Variants in IGF1R observed in about 807,000 individuals in gnomAD.
The protein encoded by IGF1R is insulin-like growth factor 1 receptor.
In IGF1R, 44 loss-of-function variants were observed where a neutral mutation model predicts 144.6. The ratio of observed to expected loss-of-function variants is 0.30; its 90% confidence interval spans 0.24 to 0.39. The LOEUF (loss-of-function observed/expected upper bound fraction) is 0.39, where lower values mean the gene tolerates loss of function less well. IGF1R is among the 10% of genes least tolerant of loss of function. The probability of loss-of-function intolerance (pLI) is 1.00; values close to 1 mark genes in which losing one functional copy is unlikely to be tolerated. For missense variants in IGF1R, 1,355 were observed against 1,833.7 expected, an observed-to-expected ratio of 0.74 and a Z score of 4.77; for synonymous variants, 795 against 722.8, an observed-to-expected ratio of 1.10 and a Z score of -1.60.
At chr15:98,799,601 G>A (rs908962708) in intron 2 of IGF1R, among the ~76,000 whole-genome samples, 23 of 152,152 alleles carry the variant, frequency 1.5e-4, no homozygotes, top group African/African-American at 4.3e-4. Context: ...TTGTTTCCTC[G>A]GCTGTCAGTC....
Position 98,844,135 on chromosome 15 carries a change from T to C in IGF1R, c.641-47190T>C, listed in dbSNP as rs191980707. 2.8e-3 allele frequency among the ~76,000 whole-genome samples: 424 copies of C among 152,332 alleles called. 9 individuals carry two copies. Among genetic ancestry groups the C allele is most frequent in the Non-Finnish European group, 3.8e-4 (26 of 68,028 alleles). On this transcript the variant is annotated intron_variant, in intron 2 of 20. Coordinates refer to ENST00000650285, the MANE Select transcript of IGF1R (RefSeq NM_000875.5). ...GCGGCAGTGGAATGTAAAATAGAAT[T>C]ACATGAGATATGACATATGGCTATG... is the stretch of plus-strand genomic sequence containing the variant.
chr15:98,762,536 T>C (rs1252874207), intron 2 of IGF1R, among the ~76,000 whole-genome samples: 1 of 152,214 alleles, frequency 6.6e-6, no homozygotes, highest in Non-Finnish European at 1.5e-5. Context: ...CAGACCAGCC[T>C]GGCCAACATG....
chr15:98,927,542 A>C, intron 13 of IGF1R, among the ~76,000 whole-genome samples: 1 of 152,196 alleles, frequency 6.6e-6, no homozygotes. Flanking sequence ...TGAAACTCAA[A>C]AAGAACACAG....
At chr15:98,859,502 A>T (rs1454067591) in intron 2 of IGF1R, among the ~76,000 whole-genome samples, 2 of 152,184 alleles carry the variant, frequency 1.3e-5, no homozygotes, top group Non-Finnish European at 2.9e-5. Flanking sequence ...TTAAAATGAA[A>T]CTTTCCAGTT....
chr15:98,932,142 T>G (rs1046517652), intron 15 of IGF1R, among the ~76,000 whole-genome samples: 1 of 152,152 alleles, frequency 6.6e-6, no homozygotes, highest in African/African-American at 2.4e-5. Context: ...GAATTCACAT[T>G]TTGTGTCCTT....
intron 17 of IGF1R, among the ~76,000 whole-genome samples, chr15:98,937,931 A>C (rs192439529): frequency 3.5e-4 from 53 of 152,336 alleles, no homozygotes; most frequent in African/African-American, 1.2e-3. Context: ...CCAGTGACTT[A>C]ATGTTGCTTC....
At chr15:98,873,618 A>G (rs1052892306) in intron 2 of IGF1R, 4 of 152,262 alleles carry the variant, frequency 2.6e-5, no homozygotes, top group Admixed American at 6.5e-5. Context: ...GGCTAATTTA[A>G]TATAAAGTGT....
intron 2 of IGF1R, among the ~76,000 whole-genome samples, chr15:98,745,570 C>T (rs80021871): frequency 0.011 from 1,733 of 152,286 alleles, 13 homozygotes; most frequent in Middle Eastern, 0.024. Context: ...AACAGGACAC[C>T]TCTGTGGTTT....
intron 11 of IGF1R, among the ~76,000 whole-genome samples, chr15:98,923,102 C>A (rs904438837): frequency 6.6e-6 from 1 of 152,234 alleles, no homozygotes; most frequent in African/African-American, 2.4e-5. Flanking sequence ...AGTCGTCAGG[C>A]TCCCTGCCTC....
intron 2 of IGF1R, among the ~76,000 whole-genome samples, chr15:98,889,821 T>A (rs75638742): frequency 0.013 from 1,995 of 152,352 alleles, 21 homozygotes; most frequent in Middle Eastern, 0.027. Context: ...AAACAAATTC[T>A]AGAATCTCCA....
intron 2 of IGF1R, among the ~76,000 whole-genome samples, chr15:98,838,813 C>T (rs1432876212): frequency 2.6e-5 from 4 of 152,244 alleles, no homozygotes; most frequent in African/African-American, 9.6e-5. Flanking sequence ...TGCTGAGGCT[C>T]TGTCATCCAG....
chr15:98,858,844 C>T (rs565023607), intron 2 of IGF1R, among the ~76,000 whole-genome samples: 3 of 152,276 alleles, frequency 2.0e-5, no homozygotes, highest in South Asian at 2.1e-4. Flanking sequence ...TTCCAAACTT[C>T]GTGTGACATC....
chr15:98,907,544 G>A (rs2014792909), intron 5 of IGF1R, among the ~76,000 whole-genome samples: 1 of 152,238 alleles, frequency 6.6e-6, no homozygotes, highest in Admixed American at 6.5e-5. Flanking sequence ...AGCAGGAAGA[G>A]GAGAAGAAGG....
At chr15:98,659,939 T>C (rs1213132592) in intron 1 of IGF1R, among the ~76,000 whole-genome samples, 3 of 151,754 alleles carry the variant, frequency 2.0e-5, no homozygotes, top group African/African-American at 7.3e-5. Context: ...ATACATCCAG[T>C]GTTGTGTTAG....
chr15:98,725,781 G>A (rs1596237897), intron 2 of IGF1R, among the ~76,000 whole-genome samples: 3 of 152,218 alleles, frequency 2.0e-5, no homozygotes, highest in African/African-American at 7.2e-5. Flanking sequence ...GGCTGGGGAG[G>A]CCTCAGAATC....
At position 98,964,131 on chromosome 15, in the gene IGF1R, TAAAA is replaced by T. The variant is rs558651448; in HGVS notation, c.*6694_*6697del. The T allele has an allele frequency of 8.6e-6, 2 of 231,876 alleles. No homozygotes were observed. Among genetic ancestry groups the T allele is most frequent in the Admixed American group, 5.7e-5 (1 of 17,666 alleles). 14.4% of individuals were successfully genotyped at this position (231,876 alleles called of 1,614,324 possible). Reference sequence around the variant, plus strand: ...CCTCTGGGTATCCCTTTGTCTGGGATAAAAAAAATCAAACCAGAAGGCGGGATGG... The same window carrying T: ...CCTCTGGGTATCCCTTTGTCTGGGATAAAATCAAACCAGAAGGCGGGATGG... On this transcript the variant is annotated 3_prime_UTR_variant, in exon 21 of 21. Coordinates refer to ENST00000650285, the MANE Select transcript of IGF1R (RefSeq NM_000875.5).
intron 2 of IGF1R, among the ~76,000 whole-genome samples, chr15:98,780,154 A>C (rs1364292295): frequency 6.6e-6 from 1 of 151,732 alleles, no homozygotes; most frequent in Non-Finnish European, 1.5e-5. Context: ...AAAGTATAAT[A>C]AAAAAATAAA....
chr15:98,835,295 A>T (rs1348878666), intron 2 of IGF1R, among the ~76,000 whole-genome samples: 2 of 152,192 alleles, frequency 1.3e-5, no homozygotes, highest in Non-Finnish European at 2.9e-5. Flanking sequence ...TGTTGCTATT[A>T]TGTGTAGGGG....
At chr15:98,834,863 G>A (rs2057064834) in intron 2 of IGF1R, among the ~76,000 whole-genome samples, 1 of 152,142 alleles carries the variant, frequency 6.6e-6, no homozygotes, top group African/African-American at 2.4e-5. Flanking sequence ...AGAGGTATAT[G>A]CTATTACTTC....
Sources: allele counts gnomAD v4.1 joint callset (sites outside exome capture counted in the v4.1 genomes callset), GRCh38; gene constraint gnomAD v4.1.1; transcripts MANE v1.5; gene names NCBI Gene and HGNC (gene_info 2026-07-23, HGNC 2026-07-21).